STYK1: variants seen among roughly 807,000 people sequenced by gnomAD.
STYK1 encodes the protein STY kinase 1.
Under a neutral mutation model 48.1 loss-of-function variants are expected in STYK1, and 46 were observed. The observed-to-expected ratio is 0.96, with a 90% confidence interval of 0.75 to 1.22. The LOEUF (loss-of-function observed/expected upper bound fraction) is 1.22. Ranked by LOEUF, STYK1 falls within the 50% of genes most tolerant of loss-of-function variation. The pLI is 0.00. For synonymous variants in STYK1, 188 were observed against 189.0 expected (o/e 0.99, Z 0.04); for missense variants, 527 against 521.1 (o/e 1.01, Z -0.11).
rs539789587 is a variant in STYK1, at chr12:10,620,386, G to A, written c.1065-38C>T. The A allele has an allele frequency of 4.3e-5, 69 of 1,595,622 alleles. 2 individuals are homozygous for A. In the South Asian group the frequency reaches 7.4e-4, roughly 17 times the overall value. The stretch of plus-strand genomic sequence containing the variant: ...CAAGAGAAACTGACTTCCTTGACAA[G>A]GCAAATGTATGGGGAGCATGTCTCC... On this transcript the variant is annotated intron_variant, in intron 10 of 10. Transcript: ENST00000075503.
chr12:10,647,788 G>C (rs61912162), intron 1 of STYK1, among the ~76,000 whole-genome samples: 23,588 of 152,082 alleles, frequency 0.16, 2,254 homozygotes, highest in East Asian at 0.23. Context: ...TTGTGAGAGT[G>C]AATAAGTCTC....
At chr12:10,637,355 T>G (rs1044867004) in intron 1 of STYK1, among the ~76,000 whole-genome samples, 159 bp from the exon 2 acceptor site, 67 of 133,404 alleles carry the variant, frequency 5.0e-4, no homozygotes, top group African/African-American at 1.8e-3. Flanking sequence ...TTTTTTTTTT[T>G]GAGACGGGGT....
chr12:10,630,032 GGAGAGAGAGA>G lies in STYK1; in HGVS notation c.452-368_452-359del, dbSNP rs11268204. On this transcript the variant is annotated intron_variant, in intron 5 of 10. Transcript: ENST00000075503. The stretch of plus-strand genomic sequence containing the variant: ...CCATTACTGGCCCATATCATGAAGA[GGAGAGAGAGA>G]GAGAGAGAGAGAGAGAGAGAGAGAG... Among the ~76,000 whole-genome samples, 108 of 137,338 alleles carry G rather than the reference GGAGAGAGAGA, an allele frequency of 7.9e-4. 1 individual carries two copies. Among genetic ancestry groups the G allele is most frequent in the African/African-American group, 2.5e-3 (83 of 33,868 alleles). The allele number at this position is 137,338 out of a possible 152,430, so 90.1% of individuals were successfully genotyped here. A position where few individuals can be genotyped will look rare whatever the true frequency, so the allele number is the denominator to read the frequency against.
chr12:10,664,089 A>G (rs1239817967), intron 1 of STYK1, among the ~76,000 whole-genome samples: 2 of 152,182 alleles, frequency 1.3e-5, no homozygotes, highest in African/African-American at 4.8e-5. Context: ...ACTAGCCAGA[A>G]ATGCATTCTA....
rs1189202839 is a variant in STYK1, at chr12:10,620,086, A to C, written c.*58T>G. The C allele has an allele frequency of 3.2e-6, 5 of 1,567,872 alleles. No individual in the cohort carries two copies. The highest frequency in any genetic ancestry group is 2.2e-5 in the East Asian group (1 of 44,576). The stretch of plus-strand genomic sequence containing the variant: ...CTGGGAAAGACCATTCTCTGTTCTT[A>C]GAGGAATTGATTCCAAGAACATATA... On this transcript the variant is annotated 3_prime_UTR_variant, in exon 11 of 11. Coordinates refer to ENST00000075503, the MANE Select transcript of STYK1 (RefSeq NM_018423.3).
At position 10,624,767 on chromosome 12, in the gene STYK1, T is replaced by C; in HGVS notation, c.810A>G (p.Leu270=). The change falls in exon 8 of 11, where the codon TTA becomes TTG. Residue 270 remains leucine (L), a synonymous_variant. Transcript: ENST00000075503. The part of the protein sequence containing the change: ...QSDLTAKLCG[L]GLAYEVYTRG... ...GGGTGTAAACTTCATAAGCCAGGCC[T>C]AATCCACAGAGCTTAGCAGTGAGAT... 6.2e-7 allele frequency: 1 copy of C among 1,614,170 alleles called. No homozygotes were observed. The highest frequency in any genetic ancestry group is 8.5e-7 in the Non-Finnish European group (1 of 1,180,020).
intron 1 of STYK1, among the ~76,000 whole-genome samples, chr12:10,644,977 C>T (rs1947583698): frequency 6.6e-6 from 1 of 151,752 alleles, no homozygotes; most frequent in Admixed American, 6.6e-5. Flanking sequence ...GAAAAGAGGG[C>T]CTAGGAAAGA....
At chr12:10,651,974 C>A (rs1009981927) in intron 1 of STYK1, among the ~76,000 whole-genome samples, 1 of 152,110 alleles carries the variant, frequency 6.6e-6, no homozygotes, top group African/African-American at 2.4e-5. Flanking sequence ...GCTCTAACAA[C>A]GAAGACTTAA....
intron 8 of STYK1, 52 bp downstream of exon 8, chr12:10,624,599 C>T: frequency 1.3e-6 from 2 of 1,541,638 alleles, no homozygotes; most frequent in Admixed American, 3.4e-5. Flanking sequence ...TATTCAGGGA[C>T]AACACCCAAG....
At chr12:10,645,170 T>C (rs560979407) in intron 1 of STYK1, among the ~76,000 whole-genome samples, 1 of 151,976 alleles carries the variant, frequency 6.6e-6, no homozygotes, top group South Asian at 2.1e-4. Context: ...TGATGACAGG[T>C]CAGGAAAACA....
At chr12:10,643,259 C>G (rs950245546) in intron 1 of STYK1, among the ~76,000 whole-genome samples, 4 of 152,182 alleles carry the variant, frequency 2.6e-5, no homozygotes, top group Admixed American at 2.0e-4. Context: ...TTACTGAGCT[C>G]TTGCTACTAA....
At chr12:10,671,866 A>C (rs902875411) in intron 1 of STYK1, among the ~76,000 whole-genome samples, 13 of 152,042 alleles carry the variant, frequency 8.6e-5, no homozygotes, top group Admixed American at 5.9e-4. Context: ...TGCAATGCTC[A>C]ACTAACTTGT....
At chr12:10,648,237 T>G (rs868475090) in intron 1 of STYK1, among the ~76,000 whole-genome samples, 1 of 152,100 alleles carries the variant, frequency 6.6e-6, no homozygotes, top group Non-Finnish European at 1.5e-5. Flanking sequence ...CAAAATAAAT[T>G]TTGGGAAAAA....
intron 1 of STYK1, among the ~76,000 whole-genome samples, chr12:10,660,138 G>C (rs1947760575): frequency 6.6e-6 from 1 of 152,150 alleles, no homozygotes; most frequent in African/African-American, 2.4e-5. Context: ...AGTTTACTTA[G>C]GATAGTTTTG....
rs143693474 is a variant in STYK1, at chr12:10,634,629, C to A, written c.-11G>T. 378 of 1,614,096 alleles carry A rather than the reference C, an allele frequency of 2.3e-4. No individual in the cohort carries two copies. The African/African-American group carries it at 3.4e-3, about 14-fold the overall frequency. On this transcript the variant is annotated 5_prime_UTR_variant, in exon 3 of 11. Transcript: ENST00000075503. ...CCGTGTCATGCCCATTGCCACAGGG[C>A]TGTCCCCTTCCCTGCTAGGCCCACA...
chr12:10,622,099 A>G (rs2900467), intron 9 of STYK1, 127 bp from the exon 10 acceptor site: 265,388 of 705,692 alleles, frequency 0.38, 52,430 homozygotes, highest in Non-Finnish European at 0.42. Flanking sequence ...ACTACATACA[A>G]TTCAGTTGCT....
intron 4 of STYK1, 85 bp from the exon 5 acceptor site, chr12:10,631,393 T>C: frequency 6.5e-7 from 1 of 1,535,102 alleles, no homozygotes; most frequent in Non-Finnish European, 8.8e-7. Flanking sequence ...GGCAAGGAGG[T>C]TCCTTCAGCA....
intron 10 of STYK1, among the ~76,000 whole-genome samples, chr12:10,621,246 A>G (rs1007870897): frequency 6.6e-6 from 1 of 152,014 alleles, no homozygotes; most frequent in African/African-American, 2.4e-5. Flanking sequence ...AGTCTATGTA[A>G]TTTTTTATTT....
chr12:10,657,245 C>G (rs567444020), intron 1 of STYK1, among the ~76,000 whole-genome samples: 6 of 152,172 alleles, frequency 3.9e-5, no homozygotes, highest in Non-Finnish European at 7.3e-5. Context: ...TTTCCTGGCC[C>G]TGTTCCTCAA....
Sources: allele counts gnomAD v4.1 joint callset (sites outside exome capture counted in the v4.1 genomes callset), GRCh38; gene constraint gnomAD v4.1.1; transcripts MANE v1.5; gene names NCBI Gene and HGNC (gene_info 2026-07-23, HGNC 2026-07-21).